Variants in SH3TC2 observed in about 807,000 individuals in gnomAD.
The protein encoded by SH3TC2 is SH3 domain and tetratricopeptide repeats 2.
In SH3TC2, 87 loss-of-function variants were observed where a neutral mutation model predicts 124.5. The observed-to-expected ratio is 0.70, with a 90% CI of 0.59 to 0.84. The LOEUF (loss-of-function observed/expected upper bound fraction) is 0.84. Ranked by LOEUF, SH3TC2 falls within the 40% of genes least tolerant of loss-of-function variation. SH3TC2 has a pLI of 0.00. For missense variants in SH3TC2, 1,536 were observed against 1,566.4 expected (o/e 0.98, Z 0.33); for synonymous variants, 634 against 628.5 (o/e 1.01, Z -0.13).
At chr5:149,051,554 C>G (rs1754557003) in intron 2 of SH3TC2, among the ~76,000 whole-genome samples, 2 of 152,144 alleles carry the variant, frequency 1.3e-5, no homozygotes, top group African/African-American at 4.8e-5. Flanking sequence ...CAGGCTCAGG[C>G]AGTCCTCCCA....
chr5:149,028,330 C>A lies in SH3TC2; in HGVS notation c.1402G>T (p.Ala468Ser), dbSNP rs6875902. The change falls in exon 11 of 17, where the codon GCC becomes TCC. Residue 468 changes from alanine (A) to serine (S), a missense_variant. Coordinates refer to ENST00000515425, the MANE Select transcript of SH3TC2 (RefSeq NM_024577.4). Reference protein sequence around the residue: ...TGQEEEAENFAPILAFLDHEG... With the variant: ...TGQEEEAENFSPILAFLDHEG... ...TGATCCAGAAAAGCCAATATGGGGG[C>A]GAAGTTCTCAGCCTCCTCCTCCTGA... 0.21 allele frequency: 332,396 copies of A among 1,613,826 alleles called. 36,254 individuals are homozygous for A. The highest frequency in any genetic ancestry group is 0.31 in the African/African-American group (23,275 of 74,972).
At chr5:149,020,817 G>A (rs1753956323) in intron 12 of SH3TC2, among the ~76,000 whole-genome samples, 1 of 152,064 alleles carries the variant, frequency 6.6e-6, no homozygotes, top group Admixed American at 6.6e-5. Context: ...AGAAAAAGCT[G>A]ACAGAATGGA....
At position 149,034,878 on chromosome 5, in the gene SH3TC2, A is replaced by C. The variant is rs147992110; in HGVS notation, c.1002-3191T>G. Among the ~76,000 whole-genome samples the C allele has an allele frequency of 5.0e-3, 764 of 152,264 alleles. 2 individuals are homozygous for C. The highest frequency in any genetic ancestry group is 0.017 in the Middle Eastern group (5 of 294). On this transcript the variant is annotated intron_variant, in intron 8 of 16. Transcript: ENST00000515425. The stretch of plus-strand genomic sequence containing the variant: ...GATTTGCAATTTTATAGTTAAAGTT[A>C]TTTTTTCCTGCAAACTTTGAAGATG...
rs1189572016 is a variant in SH3TC2 at position 148,998,267 on chromosome 5, GGATTT to G, written c.*6439_*6443del. Among the ~76,000 whole-genome samples the G allele has an allele frequency of 6.6e-6, 1 of 152,062 alleles. No individual in the cohort carries two copies. Among genetic ancestry groups the G allele is most frequent in the African/African-American group, 2.4e-5 (1 of 41,400 alleles). ...ACAACAACAACATAACAACAAAAAA[GGATTT>G]GACAGCCACTACCCTAGTCTGATTC... On this transcript the variant is annotated 3_prime_UTR_variant, in exon 17 of 17. Coordinates refer to ENST00000515425, the MANE Select transcript of SH3TC2 (RefSeq NM_024577.4).
Position 149,004,790 on chromosome 5 carries a change from C to T in SH3TC2, c.3788G>A (p.Ser1263Asn), listed in dbSNP as rs1290231008. The change falls in exon 17 of 17, where the codon AGC becomes AAC. Residue 1263 changes from serine (S) to asparagine (N), a missense_variant. Physicochemically the swap from Ser to Asn is conservative, Grantham distance 46. Coordinates refer to ENST00000515425, the MANE Select transcript of SH3TC2 (RefSeq NM_024577.4). ...GGAGGGCCTGCTGTGCCACAGGGGG[C>T]TCTGGCAGATGTTGTCCAGCCTGCT... Reference protein sequence around the residue: ...IRSRLDNICQSPLWHSRPSGC... With the variant: ...IRSRLDNICQNPLWHSRPSGC... The T allele has an allele frequency of 1.2e-6, 2 of 1,614,030 alleles. No homozygotes were observed. The highest frequency in any genetic ancestry group is 1.1e-5 in the South Asian group (1 of 91,090).
At chr5:149,035,892 T>C (rs1754275661) in intron 8 of SH3TC2, 2 of 151,950 alleles carry the variant, frequency 1.3e-5, no homozygotes, top group African/African-American at 4.8e-5. Flanking sequence ...GGTGCAGAAG[T>C]CCAAATATAA....
Position 148,992,490 on chromosome 5 carries a change from A to G in SH3TC2, c.*12221T>C, listed in dbSNP as rs1361721757. Reference sequence around the variant, plus strand: ...CTGGACAGGTCCTGACAGATTACCGAGACTGAGGTTTTTAACTCATCATCC... The same window carrying G: ...CTGGACAGGTCCTGACAGATTACCGGGACTGAGGTTTTTAACTCATCATCC... On this transcript the variant is annotated 3_prime_UTR_variant, in exon 17 of 17. Transcript: ENST00000515425. Among the ~76,000 whole-genome samples, 1 of 151,858 alleles carries G rather than the reference A, an allele frequency of 6.6e-6. No homozygotes were observed. The highest frequency in any genetic ancestry group is 1.5e-5 in the Non-Finnish European group (1 of 68,004).
Position 149,003,681 on chromosome 5 carries a change from G to T in SH3TC2, c.*1030C>A. On this transcript the variant is annotated 3_prime_UTR_variant, in exon 17 of 17. Coordinates refer to ENST00000515425, the MANE Select transcript of SH3TC2 (RefSeq NM_024577.4). ...AATAGAGATGCTTTGTAAAGCAGCTGCCCTGAAATCAATAAGATGCCTTGT... is the reference window on the plus strand; with the variant it reads ...AATAGAGATGCTTTGTAAAGCAGCTTCCCTGAAATCAATAAGATGCCTTGT... 2.6e-6 allele frequency: 1 copy of T among 377,604 alleles called. No homozygotes were observed. The highest frequency in any genetic ancestry group is 5.3e-6 in the Non-Finnish European group (1 of 189,206). 23.4% of individuals were successfully genotyped at this position (377,604 alleles called of 1,614,324 possible). A position where few individuals can be genotyped will look rare whatever the true frequency, so the allele number is the denominator to read the frequency against.
In SH3TC2 at chr5:149,047,954, T is replaced by C. The variant is rs1754494888; in HGVS notation, c.187A>G (p.Arg63Gly). Residue 63 changes from arginine (R) to glycine (G), a missense_variant, in exon 3 of 17, where the codon AGG (arginine) becomes GGG (glycine). Arg to Gly is a moderately radical substitution (Grantham distance 125). Coordinates refer to ENST00000515425, the MANE Select transcript of SH3TC2 (RefSeq NM_024577.4). Reference sequence around the variant, plus strand: ...TGTAGGGGTCCATTTACACACCTCCTGGAGCGGCTCTTTACACAGAAGGAG... The same window carrying C: ...TGTAGGGGTCCATTTACACACCTCCCGGAGCGGCTCTTTACACAGAAGGAG... The part of the protein sequence containing the change: ...TLSFCVKSRS[R>G]RCVNGPLQEA... 3.1e-6 allele frequency: 5 copies of C among 1,614,136 alleles called. No individual in the cohort carries two copies. Among genetic ancestry groups the C allele is most frequent in the Non-Finnish European group, 4.2e-6 (5 of 1,180,012 alleles).
rs1444719941 is a variant in SH3TC2 at position 148,993,332 on chromosome 5, T to C, written c.*11379A>G. Among the ~76,000 whole-genome samples, 3 of 152,122 alleles carry C rather than the reference T, an allele frequency of 2.0e-5. No individual in the cohort carries two copies. Among genetic ancestry groups the C allele is most frequent in the East Asian group, 1.9e-4 (1 of 5,198 alleles). On this transcript the variant is annotated 3_prime_UTR_variant, in exon 17 of 17. Coordinates refer to ENST00000515425, the MANE Select transcript of SH3TC2 (RefSeq NM_024577.4). ...GCTAAAATTTGACCTAAATAAATTA[T>C]TGTCAATAAATTATAAGCCATCATT...
chr5:149,054,429 G>T (rs1413280185), intron 1 of SH3TC2, among the ~76,000 whole-genome samples: 2 of 152,148 alleles, frequency 1.3e-5, no homozygotes, highest in East Asian at 3.8e-4. Flanking sequence ...GAAAGCTGAG[G>T]TTCTGCATTT....
intron 12 of SH3TC2, among the ~76,000 whole-genome samples, chr5:149,019,385 C>G (rs1254108751): frequency 2.0e-5 from 3 of 152,142 alleles, no homozygotes; most frequent in Non-Finnish European, 4.4e-5. Flanking sequence ...ACTGGTCATT[C>G]TGCAAAGGGA....
chr5:149,020,743 C>T (rs1413637518), intron 12 of SH3TC2, among the ~76,000 whole-genome samples: 1 of 152,050 alleles, frequency 6.6e-6, no homozygotes, highest in Non-Finnish European at 1.5e-5. Flanking sequence ...AGACTCAATC[C>T]ATCAGAAAGG....
intron 12 of SH3TC2, 144 bp from the exon 13 acceptor site, chr5:149,012,878 T>G: frequency 5.5e-6 from 5 of 903,854 alleles, no homozygotes; most frequent in South Asian, 1.4e-5. Context: ...ATGCCAGCTC[T>G]ACCCCAATCA....
chr5:149,025,240 C>A (rs1754043959), intron 12 of SH3TC2, among the ~76,000 whole-genome samples: 1 of 152,068 alleles, frequency 6.6e-6, no homozygotes, highest in African/African-American at 2.4e-5. Flanking sequence ...GGACTGAAGG[C>A]AAAGACAGCA....
In SH3TC2 at chr5:149,038,476, T is replaced by TA. The variant is rs1754320158; in HGVS notation, c.819dup (p.Lys274Ter). 8.7e-6 allele frequency: 14 copies of TA among 1,614,044 alleles called. No individual in the cohort carries two copies. Among genetic ancestry groups the TA allele is most frequent in the Middle Eastern group, 1.7e-4 (1 of 6,058 alleles). On this transcript the variant is annotated frameshift_variant, in exon 8 of 17. Transcript: ENST00000515425. LOFTEE classifies it high-confidence loss of function. The stretch of plus-strand genomic sequence containing the variant: ...CCTGGCTCATAACCCGTCAAGGCCT[T>TA]ACAGCGTCCTCTGCCTGTGGAAAAT...
At position 149,004,584 on chromosome 5, in the gene SH3TC2, T is replaced by C. The variant is rs1753652112; in HGVS notation, c.*127A>G. The C allele has an allele frequency of 3.0e-6, 3 of 984,602 alleles. No homozygotes were observed. The highest frequency in any genetic ancestry group is 4.5e-6 in the Non-Finnish European group (3 of 671,102). The allele number at this position is 984,602 out of a possible 1,614,324, so 61.0% of individuals were successfully genotyped here. ...GCCCTTCTCCTCCTGGACTTCATTC[T>C]TCTTCTTGTGAAATGAGGGGGCTAG... On this transcript the variant is annotated 3_prime_UTR_variant, in exon 17 of 17. Transcript: ENST00000515425.
At chr5:149,046,570 C>A (rs929234343) in intron 3 of SH3TC2, 2 of 152,076 alleles carry the variant, frequency 1.3e-5, no homozygotes, top group Non-Finnish European at 2.9e-5. Flanking sequence ...TTCAAGGGGG[C>A]CAAGGCACAG....
chr5:149,028,513 C>G lies in SH3TC2; in HGVS notation c.1219G>C (p.Ala407Pro). The G allele has an allele frequency of 6.2e-7, 1 of 1,613,738 alleles. No homozygotes were observed. The highest frequency in any genetic ancestry group is 8.5e-7 in the Non-Finnish European group (1 of 1,179,752). Residue 407 changes from alanine to proline, a missense_variant, in exon 11 of 17, where the codon GCC becomes CCC. Ala to Pro is a conservative substitution (Grantham distance 27, BLOSUM62 -1). Transcript: ENST00000515425. ...EGFKEVRPGR[A>P]WEEHQAVGSR... ...CCCACGGCCTGATGCTCCTCCCAGG[C>G]TCTGCCAGGCCTGACCTCCTTGAAA...
Sources: allele counts gnomAD v4.1 joint callset (sites outside exome capture counted in the v4.1 genomes callset), GRCh38; gene constraint gnomAD v4.1.1; transcripts MANE v1.5; gene names NCBI Gene and HGNC (gene_info 2026-07-23, HGNC 2026-07-21).